The following ICE2 variants were observed in gnomAD, a reference collection of about 807,000 sequenced individuals.
The protein encoded by ICE2 is interactor of little elongation complex ELL subunit 2.
A neutral mutation model predicts 105.4 loss-of-function variants in ICE2; 87 were observed. That is an observed-to-expected ratio of 0.83 (90% CI 0.69 to 0.99). ICE2 has a LOEUF of 0.99. Ranked by LOEUF, ICE2 falls within the 50% of genes least tolerant of loss-of-function variation. The probability of loss-of-function intolerance (pLI) is 0.00; values close to 1 mark genes in which losing one functional copy is unlikely to be tolerated. For synonymous variants in ICE2, 399 were observed against 392.0 expected, an observed-to-expected ratio of 1.02 and a Z score of -0.21; for missense variants, 1,323 against 1,146.7, an observed-to-expected ratio of 1.15 and a Z score of -2.22.
At chr15:60,432,817 G>A (rs1456916476) in intron 13 of ICE2, among the ~76,000 whole-genome samples, 3 of 151,868 alleles carry the variant, frequency 2.0e-5, no homozygotes, top group African/African-American at 4.8e-5. Context: ...GCACGAGCCC[G>A]GGAGGCGGAG....
intron 5 of ICE2, among the ~76,000 whole-genome samples, chr15:60,460,553 AC>A (rs2064246836): frequency 6.6e-6 from 1 of 152,162 alleles, no homozygotes; most frequent in Non-Finnish European, 1.5e-5. Context: ...GGGAAAAAAT[AC>A]CCTTCTCAAC....
chr15:60,423,833 G>T, intron 15 of ICE2, 71 bp from the exon 16 acceptor site: 6 of 1,315,846 alleles, frequency 4.6e-6, no homozygotes, highest in Non-Finnish European at 6.0e-6. Context: ...CAACTCTGTA[G>T]TATTTATACA....
At chr15:60,432,800 G>T (rs1036004167) in intron 13 of ICE2, among the ~76,000 whole-genome samples, 12 of 151,876 alleles carry the variant, frequency 7.9e-5, no homozygotes, top group Non-Finnish European at 1.8e-4. Context: ...GCTGAGGCAG[G>T]AGAATGGCAC....
chr15:60,462,452 T>C (rs182532954), intron 5 of ICE2, among the ~76,000 whole-genome samples: 1 of 152,318 alleles, frequency 6.6e-6, no homozygotes, highest in East Asian at 1.9e-4. Context: ...AGGTAATGCA[T>C]ATGTTAATTA....
In ICE2 at chr15:60,449,372, A is replaced by G. The variant is rs1312379798; in HGVS notation, c.1595T>C (p.Ile532Thr). The G allele has an allele frequency of 1.9e-6, 3 of 1,612,940 alleles. No individual in the cohort carries two copies. The highest frequency in any genetic ancestry group is 8.5e-7 in the Non-Finnish European group (1 of 1,179,444). Residue 532 changes from isoleucine (I) to threonine (T), a missense_variant, in exon 10 of 16, where the codon ATA (isoleucine) becomes ACA (threonine). By Grantham distance (89) the Ile-to-Thr change is moderately conservative (BLOSUM62 -1). Transcript: ENST00000261520. Reference protein sequence around the residue: ...IETSNKNDMTIDILHADGERP... With the variant: ...IETSNKNDMTTDILHADGERP... ...TTCACCATCAGCATGTAATATATCTATAGTCATATCATTTTTATTAGAAGT... is the reference window on the plus strand; with the variant it reads ...TTCACCATCAGCATGTAATATATCTGTAGTCATATCATTTTTATTAGAAGT...
chr15:60,427,565 C>T (rs755643905), intron 15 of ICE2, among the ~76,000 whole-genome samples: 3 of 152,142 alleles, frequency 2.0e-5, no homozygotes, highest in Non-Finnish European at 4.4e-5. Context: ...GAAATGATTA[C>T]AGGTGTGCAC....
At chr15:60,426,528 A>C (rs1441896649) in intron 15 of ICE2, among the ~76,000 whole-genome samples, 4 of 152,226 alleles carry the variant, frequency 2.6e-5, no homozygotes, top group Non-Finnish European at 5.9e-5. Flanking sequence ...GTGATACATG[A>C]CTACAAATTG....
intron 15 of ICE2, among the ~76,000 whole-genome samples, chr15:60,424,838 C>T (rs2063306694): frequency 6.6e-6 from 1 of 152,196 alleles, no homozygotes; most frequent in African/African-American, 2.4e-5. Flanking sequence ...GAATCCCTTG[C>T]TATGTAGTCA....
intron 15 of ICE2, among the ~76,000 whole-genome samples, chr15:60,427,935 CCTT>C (rs1317714067): frequency 1.3e-5 from 2 of 152,148 alleles, no homozygotes; most frequent in Admixed American, 6.5e-5. Flanking sequence ...ACAATTTAGT[CCTT>C]GATACTTTAG....
chr15:60,478,968 C>T (rs540727694), intron 1 of ICE2, 35 bp downstream of exon 1: 2 of 455,812 alleles, frequency 4.4e-6, no homozygotes, highest in Admixed American at 2.3e-5. Context: ...GCCCTCCCGT[C>T]CGCGTCTGGG....
chr15:60,472,660 T>A (rs571684229), intron 3 of ICE2, among the ~76,000 whole-genome samples: 3 of 152,152 alleles, frequency 2.0e-5, no homozygotes, highest in Non-Finnish European at 4.4e-5. Flanking sequence ...AACCCACACC[T>A]GGGATATGCT....
At chr15:60,473,352 C>T (rs548031554) in intron 3 of ICE2, among the ~76,000 whole-genome samples, 6 of 152,022 alleles carry the variant, frequency 3.9e-5, no homozygotes, top group South Asian at 2.1e-4. Flanking sequence ...AGTGCAGTGG[C>T]GTCATCCTCG....
intron 8 of ICE2, 67 bp from the exon 9 acceptor site, chr15:60,453,851 ATG>A: frequency 8.2e-7 from 1 of 1,220,948 alleles, no homozygotes; most frequent in South Asian, 1.4e-5. Flanking sequence ...TAAAAACAGG[ATG>A]TATGACATGA....
chr15:60,431,365 A>G (rs1294589537), intron 14 of ICE2, among the ~76,000 whole-genome samples: 1 of 152,132 alleles, frequency 6.6e-6, no homozygotes, highest in African/African-American at 2.4e-5. Context: ...TTATGTGAGA[A>G]GGCCCAAAGT....
chr15:60,423,836 T>C (rs952092026), intron 15 of ICE2, 74 bp from the exon 16 acceptor site: 2 of 1,291,180 alleles, frequency 1.5e-6, no homozygotes, highest in Non-Finnish European at 2.0e-6. Flanking sequence ...CTCTGTAGTA[T>C]TTATACATGT....
At chr15:60,433,381 C>T (rs748072486) in intron 13 of ICE2, among the ~76,000 whole-genome samples, 9 of 151,532 alleles carry the variant, frequency 5.9e-5, no homozygotes, top group Non-Finnish European at 1.0e-4. Flanking sequence ...CTACCGCACC[C>T]GGCCAAATCA....
chr15:60,470,831 T>A (rs965368579), intron 3 of ICE2, among the ~76,000 whole-genome samples: 2 of 152,132 alleles, frequency 1.3e-5, no homozygotes, highest in Non-Finnish European at 2.9e-5. Context: ...GATATATTTA[T>A]TGTTTTTAAA....
chr15:60,420,578 A>C lies in ICE2; in HGVS notation c.*3056T>G, dbSNP rs143935763. 3 of 152,346 alleles carry C rather than the reference A, an allele frequency of 2.0e-5. 1 individual carries two copies. Among genetic ancestry groups the C allele is most frequent in the South Asian group, 2.1e-4 (1 of 4,828 alleles). 9.4% of individuals were successfully genotyped at this position (152,346 alleles called of 1,614,324 possible). On this transcript the variant is annotated 3_prime_UTR_variant, in exon 16 of 16. Transcript: ENST00000261520. The stretch of plus-strand genomic sequence containing the variant: ...CACAGTGTTTCTGTCCCTATCCTGC[A>C]GTTTTCTCTCTCATCTCCCATGTTC...
At chr15:60,458,491 G>T (rs1002897682) in intron 5 of ICE2, among the ~76,000 whole-genome samples, 2 of 152,130 alleles carry the variant, frequency 1.3e-5, no homozygotes, top group African/African-American at 4.8e-5. Context: ...ACATAGAGGA[G>T]AAACTAGAGC....
Sources: gnomAD v4.1 joint callset for allele counts (sites outside exome capture counted in the v4.1 genomes callset) on GRCh38, gnomAD v4.1.1 for gene constraint, MANE v1.5 for transcripts, NCBI Gene and HGNC (gene_info 2026-07-23, HGNC 2026-07-21) for gene names.